FSIP1: variants seen among roughly 807,000 people sequenced by gnomAD.
FSIP1 encodes the protein fibrous sheath interacting protein 1, also known as fibrous sheath-interacting protein 1.
FSIP1 carries 65 observed loss-of-function variants against 60.9 expected under a neutral mutation model. That is an observed-to-expected ratio of 1.07 (90% CI 0.87 to 1.31). The LOEUF is 1.31. Among genes scored for constraint, FSIP1 ranks in the 40% most tolerant of loss-of-function variants. FSIP1 has a pLI of 0.00. For missense variants in FSIP1, 675 were observed against 665.5 expected (o/e 1.01, Z -0.16); for synonymous variants, 209 against 221.2 (o/e 0.94, Z 0.49).
chr15:39,693,508 G>A (rs1002120022), intron 10 of FSIP1, among the ~76,000 whole-genome samples: 4 of 152,184 alleles, frequency 2.6e-5, no homozygotes, highest in African/African-American at 7.2e-5. Flanking sequence ...TTGTTGACCT[G>A]TCCCTATATC....
chr15:39,770,006 T>C (rs1307202099), intron 3 of FSIP1, among the ~76,000 whole-genome samples: 2 of 152,230 alleles, frequency 1.3e-5, no homozygotes, highest in Admixed American at 6.5e-5. Flanking sequence ...ACTATTCTAA[T>C]TCAATCTGAC....
chr15:39,625,235 A>G (rs1891591975), intron 10 of FSIP1, among the ~76,000 whole-genome samples: 1 of 152,290 alleles, frequency 6.6e-6, no homozygotes, highest in African/African-American at 2.4e-5. Context: ...GGCTGGCTCC[A>G]TGGCTTCAAG....
Position 39,618,188 on chromosome 15 carries a change from T to C in FSIP1, c.1246A>G (p.Ile416Val), listed in dbSNP as rs556493426. ...TTAATGATGGATTTTTGTTTAAGTA[T>C]GCATTCATCCAGAAGACACTTTAAC... ...EQLKCLLDEC[I>V]LKQKSIIKLS... is the part of the protein sequence containing the mutation. The change falls in exon 11 of 12, where the codon ATA (isoleucine) becomes GTA (valine). Residue 416 changes from isoleucine (I) to valine (V), a missense_variant. Physicochemically the swap from Ile to Val is conservative, Grantham distance 29 (BLOSUM62 3). Coordinates refer to ENST00000350221, the MANE Select transcript of FSIP1 (RefSeq NM_152597.5). The C allele has an allele frequency of 1.8e-5, 29 of 1,613,786 alleles. 1 individual carries two copies. The South Asian group carries it at 2.5e-4, about 14-fold the overall frequency.
At chr15:39,610,296 A>G (rs1890979231) in intron 11 of FSIP1, among the ~76,000 whole-genome samples, 1 of 152,254 alleles carries the variant, frequency 6.6e-6, no homozygotes, top group African/African-American at 2.4e-5. Context: ...TTGTGGAAAT[A>G]TGACAACATC....
At chr15:39,759,871 A>T (rs1897434851) in intron 5 of FSIP1, among the ~76,000 whole-genome samples, 1 of 152,176 alleles carries the variant, frequency 6.6e-6, no homozygotes, top group South Asian at 2.1e-4. Flanking sequence ...GCTACCTATG[A>T]TGGAATTTAG....
intron 11 of FSIP1, among the ~76,000 whole-genome samples, chr15:39,611,765 C>T (rs1891044272): frequency 6.6e-6 from 1 of 152,194 alleles, no homozygotes; most frequent in African/African-American, 2.4e-5. Flanking sequence ...TATATGCTAC[C>T]TGTGAGAGAC....
chr15:39,779,805 C>T (rs539121917), intron 1 of FSIP1, among the ~76,000 whole-genome samples: 8 of 152,182 alleles, frequency 5.3e-5, no homozygotes, highest in African/African-American at 1.4e-4. Context: ...TGATTTAAAG[C>T]CAAAATGGGG....
intron 10 of FSIP1, among the ~76,000 whole-genome samples, chr15:39,703,969 TTTG>T (rs1895164191): frequency 1.3e-5 from 2 of 152,192 alleles, no homozygotes; most frequent in South Asian, 4.1e-4. Flanking sequence ...TGCAAGGAGT[TTTG>T]TTAAGGTTTC....
intron 10 of FSIP1, among the ~76,000 whole-genome samples, chr15:39,639,175 T>C (rs556580348): frequency 6.6e-6 from 1 of 152,288 alleles, no homozygotes; most frequent in Non-Finnish European, 1.5e-5. Flanking sequence ...AAGTTCACCA[T>C]TTTGCTTTTT....
At chr15:39,675,995 C>G (rs1010301557) in intron 10 of FSIP1, among the ~76,000 whole-genome samples, 8 of 115,340 alleles carry the variant, frequency 6.9e-5, no homozygotes, top group African/African-American at 2.7e-4. Flanking sequence ...GAAACCCTGT[C>G]TCTACTAAAA....
chr15:39,636,585 G>A (rs1254348482), intron 10 of FSIP1, among the ~76,000 whole-genome samples: 1 of 152,162 alleles, frequency 6.6e-6, no homozygotes, highest in African/African-American at 2.4e-5. Context: ...TGGCAAGGGT[G>A]GATTGATGGA....
chr15:39,622,822 A>G (rs965269653), intron 10 of FSIP1, among the ~76,000 whole-genome samples: 1 of 152,016 alleles, frequency 6.6e-6, no homozygotes, highest in Non-Finnish European at 1.5e-5. Context: ...TCCCTCTACC[A>G]CCCTCCAAGT....
At chr15:39,608,371 T>C (rs548850773) in intron 11 of FSIP1, among the ~76,000 whole-genome samples, 1 of 152,194 alleles carries the variant, frequency 6.6e-6, no homozygotes, top group Non-Finnish European at 1.5e-5. Context: ...TATGCATCAG[T>C]GTGACTCATG....
chr15:39,686,114 T>C (rs1894363779), intron 10 of FSIP1, among the ~76,000 whole-genome samples: 1 of 152,168 alleles, frequency 6.6e-6, no homozygotes, highest in African/African-American at 2.4e-5. Flanking sequence ...AGGACAGCAA[T>C]AGGCTAACCG....
intron 6 of FSIP1, 70 bp from the exon 7 acceptor site, chr15:39,739,859 C>A: frequency 1.1e-6 from 1 of 948,514 alleles, no homozygotes; most frequent in Non-Finnish European, 1.5e-6. Flanking sequence ...TCACTTTAAG[C>A]ATATATTAAA....
At chr15:39,662,317 A>G (rs1411145852) in intron 10 of FSIP1, among the ~76,000 whole-genome samples, 1 of 152,120 alleles carries the variant, frequency 6.6e-6, no homozygotes, top group Non-Finnish European at 1.5e-5. Context: ...CAAGCCCCCC[A>G]AAATTATAAA....
chr15:39,684,069 T>G (rs947426818), intron 10 of FSIP1, among the ~76,000 whole-genome samples: 5 of 152,208 alleles, frequency 3.3e-5, no homozygotes, highest in African/African-American at 1.2e-4. Context: ...TGATTTTCTG[T>G]AGGTACAGAC....
At chr15:39,743,628 A>C (rs1462749568) in intron 5 of FSIP1, among the ~76,000 whole-genome samples, 1 of 152,218 alleles carries the variant, frequency 6.6e-6, no homozygotes, top group Non-Finnish European at 1.5e-5. Flanking sequence ...ATAGCCTCAA[A>C]GTATCTATCT....
chr15:39,684,141 T>C (rs1163208369), intron 10 of FSIP1, among the ~76,000 whole-genome samples: 1 of 152,028 alleles, frequency 6.6e-6, no homozygotes, highest in Non-Finnish European at 1.5e-5. Flanking sequence ...ACAATTTTGA[T>C]AAAGGAAAAA....
Sources: gnomAD v4.1 joint callset for allele counts (sites outside exome capture counted in the v4.1 genomes callset) on GRCh38, gnomAD v4.1.1 for gene constraint, MANE v1.5 for transcripts, NCBI Gene and HGNC (gene_info 2026-07-23, HGNC 2026-07-21) for gene names.